CHCHD6: variants seen among roughly 807,000 people sequenced by gnomAD.
CHCHD6 encodes the protein coiled-coil-helix-coiled-coil-helix domain containing 6.
A neutral mutation model predicts 32.3 loss-of-function variants in CHCHD6; 28 were observed. The ratio of observed to expected loss-of-function variants is 0.87; its 90% CI spans 0.64 to 1.19. The LOEUF (loss-of-function observed/expected upper bound fraction) is 1.19, where lower values mean the gene tolerates loss of function less well. CHCHD6 is among the 50% of genes most tolerant of loss of function. CHCHD6 has a pLI of 0.00. For missense variants in CHCHD6, 333 were observed against 307.0 expected (o/e 1.08, Z -0.63); for synonymous variants, 122 against 117.5 (o/e 1.04, Z -0.25).
At chr3:126,790,825 T>C (rs1451158668) in intron 4 of CHCHD6, among the ~76,000 whole-genome samples, 2 of 152,254 alleles carry the variant, frequency 1.3e-5, no homozygotes, top group Non-Finnish European at 2.9e-5. Flanking sequence ...TCTCAAGTTG[T>C]CAAAGTCATT....
intron 5 of CHCHD6, among the ~76,000 whole-genome samples, chr3:126,863,512 T>C (rs1942054157): frequency 8.0e-6 from 1 of 124,786 alleles, no homozygotes. Context: ...TATCACCACC[T>C]CCTCCTCCAC....
chr3:126,787,045 C>T (rs1447508097), intron 4 of CHCHD6, among the ~76,000 whole-genome samples: 11 of 152,210 alleles, frequency 7.2e-5, no homozygotes, highest in Admixed American at 7.2e-4. Flanking sequence ...CTACATATGG[C>T]TAGCCAGTTT....
chr3:126,876,449 A>G (rs2077540044), intron 5 of CHCHD6, among the ~76,000 whole-genome samples: 1 of 152,264 alleles, frequency 6.6e-6, no homozygotes, highest in Admixed American at 6.5e-5. Flanking sequence ...CCAGCCTGCC[A>G]GAACTGTGAC....
intron 4 of CHCHD6, among the ~76,000 whole-genome samples, chr3:126,773,432 G>T (rs1258092894): frequency 6.6e-6 from 1 of 152,140 alleles, no homozygotes; most frequent in East Asian, 1.9e-4. Context: ...TGGGAATGTG[G>T]CTACAACTGA....
intron 4 of CHCHD6, among the ~76,000 whole-genome samples, chr3:126,785,695 A>G (rs532431170): frequency 6.6e-6 from 1 of 152,280 alleles, no homozygotes; most frequent in Admixed American, 6.5e-5. Flanking sequence ...ATCACTATGC[A>G]TTTCCAGATT....
chr3:126,719,540 G>A (rs1048733918), intron 1 of CHCHD6, among the ~76,000 whole-genome samples: 1 of 152,226 alleles, frequency 6.6e-6, no homozygotes, highest in Non-Finnish European at 1.5e-5. Flanking sequence ...TGTATGATAG[G>A]AGGAATGTTA....
intron 5 of CHCHD6, among the ~76,000 whole-genome samples, chr3:126,885,957 G>T (rs1181106766): frequency 6.6e-6 from 1 of 152,190 alleles, no homozygotes; most frequent in Non-Finnish European, 1.5e-5. Flanking sequence ...AGCCTCCTGA[G>T]GAGTCTAACT....
intron 1 of CHCHD6, among the ~76,000 whole-genome samples, chr3:126,707,954 G>GTCA: frequency 6.6e-6 from 1 of 152,320 alleles, no homozygotes; most frequent in East Asian, 1.9e-4. Flanking sequence ...CGAGGACCCT[G>GTCA]TCATCATAGA....
At chr3:126,928,532 A>T (rs542479829) in intron 6 of CHCHD6, among the ~76,000 whole-genome samples, 1 of 152,122 alleles carries the variant, frequency 6.6e-6, no homozygotes, top group South Asian at 2.1e-4. Flanking sequence ...TGCCTGCCCC[A>T]TGGTGGCAGC....
intron 6 of CHCHD6, among the ~76,000 whole-genome samples, chr3:126,931,997 G>A (rs2078413385): frequency 6.6e-6 from 1 of 152,198 alleles, no homozygotes; most frequent in African/African-American, 2.4e-5. Context: ...AGGATTCAGG[G>A]CCTGGTCCTT....
chr3:126,855,954 A>G (rs893634875), intron 5 of CHCHD6, among the ~76,000 whole-genome samples: 1 of 152,210 alleles, frequency 6.6e-6, no homozygotes, highest in Non-Finnish European at 1.5e-5. Context: ...CACAAAGAGC[A>G]TGTAGTTTCC....
At chr3:126,802,568 A>T (rs929333472) in intron 4 of CHCHD6, among the ~76,000 whole-genome samples, 2 of 152,228 alleles carry the variant, frequency 1.3e-5, no homozygotes, top group Non-Finnish European at 2.9e-5. Flanking sequence ...ACTATGTGAA[A>T]AGACCAAATC....
At chr3:126,807,083 G>A (rs781086932) in intron 4 of CHCHD6, among the ~76,000 whole-genome samples, 14 of 149,960 alleles carry the variant, frequency 9.3e-5, no homozygotes, top group Non-Finnish European at 1.9e-4. Flanking sequence ...AGCATTAGGC[G>A]ATATACCTAA....
chr3:126,887,897 C>T (rs2077700558), intron 5 of CHCHD6, among the ~76,000 whole-genome samples: 1 of 152,208 alleles, frequency 6.6e-6, no homozygotes, highest in Non-Finnish European at 1.5e-5. Context: ...AGCTTAAATC[C>T]ACACCCACTC....
intron 5 of CHCHD6, among the ~76,000 whole-genome samples, chr3:126,868,447 T>TAAA (rs201326084): frequency 2.0e-5 from 3 of 146,996 alleles, no homozygotes; most frequent in African/African-American, 7.5e-5. Flanking sequence ...CTTTTTTTTT[T>TAAA]AAAAAAAAAA....
At chr3:126,814,849 G>A (rs1377560875) in intron 4 of CHCHD6, among the ~76,000 whole-genome samples, 1 of 152,202 alleles carries the variant, frequency 6.6e-6, no homozygotes, top group African/African-American at 2.4e-5. Context: ...GCTTGGACTT[G>A]CGACTGGTGT....
chr3:126,714,381 C>T (rs1454532471), intron 1 of CHCHD6, among the ~76,000 whole-genome samples: 2 of 152,158 alleles, frequency 1.3e-5, no homozygotes, highest in African/African-American at 4.8e-5. Context: ...TCCGAGGGCT[C>T]TTCTTGTTCT....
intron 6 of CHCHD6, among the ~76,000 whole-genome samples, chr3:126,952,633 C>G (rs1018380423): frequency 6.6e-6 from 1 of 152,162 alleles, no homozygotes; most frequent in Non-Finnish European, 1.5e-5. Flanking sequence ...CAGGCAGCAC[C>G]TCTCTAAGCA....
chr3:126,910,288 A>G (rs999707893), intron 5 of CHCHD6, among the ~76,000 whole-genome samples: 2 of 149,406 alleles, frequency 1.3e-5, no homozygotes, highest in African/African-American at 2.5e-5. Flanking sequence ...AAAAAAAAAC[A>G]AAAAAAACAA....
Sources: gnomAD v4.1 joint callset for allele counts (sites outside exome capture counted in the v4.1 genomes callset) on GRCh38, gnomAD v4.1.1 for gene constraint, MANE v1.5 for transcripts, NCBI Gene and HGNC (gene_info 2026-07-23, HGNC 2026-07-21) for gene names.